Variants in MCF2L2 observed in about 807,000 individuals in gnomAD.
The protein encoded by MCF2L2 is MCF.2 cell line derived transforming sequence-like 2.
A neutral mutation model predicts 150.2 loss-of-function variants in MCF2L2; 102 were observed. The ratio of observed to expected loss-of-function variants is 0.68; its 90% CI spans 0.58 to 0.80. MCF2L2 has a LOEUF of 0.80. Among genes scored for constraint, MCF2L2 ranks in the 30% least tolerant of loss-of-function variants. The pLI is 0.00. For synonymous variants in MCF2L2, 465 were observed against 491.3 expected (o/e 0.95, Z 0.71); for missense variants, 1,256 against 1,372.8 (o/e 0.91, Z 1.34).
Position 183,205,973 on chromosome 3 carries a change from A to G in MCF2L2, c.2806-19T>C. ...AAGCTGCCTGCAATCACACATAAGAAAACACTATAAGACTACCATGAGTAT... is the reference window on the plus strand; with the variant it reads ...AAGCTGCCTGCAATCACACATAAGAGAACACTATAAGACTACCATGAGTAT... On this transcript the variant is annotated intron_variant, in intron 24 of 29. Transcript: ENST00000328913. 1 of 1,607,258 alleles carries G rather than the reference A, an allele frequency of 6.2e-7. No homozygotes were observed. Among genetic ancestry groups the G allele is most frequent in the Non-Finnish European group, 8.5e-7 (1 of 1,173,822 alleles).
At chr3:183,314,167 G>T (rs763130655) in intron 7 of MCF2L2, among the ~76,000 whole-genome samples, 42 of 152,262 alleles carry the variant, frequency 2.8e-4, no homozygotes, top group Admixed American at 5.9e-4. Flanking sequence ...GAAGCCCAAG[G>T]TGCCCGCAAT....
In MCF2L2 at chr3:183,351,190, G is replaced by GTATATATA. The variant is rs60311053; in HGVS notation, c.276-9568_276-9561dup. Reference sequence around the variant, plus strand: ...GTGTGTGTGATATTTATTTTCTTAAGTATATATATATATATATATATATAT... The same window carrying GTATATATA: ...GTGTGTGTGATATTTATTTTCTTAAGTATATATATATATATATATATATATATATATAT... On this transcript the variant is annotated intron_variant, in intron 3 of 29. Transcript: ENST00000328913. 3.6e-3 allele frequency among the ~76,000 whole-genome samples: 141 copies of GTATATATA among 38,772 alleles called. 1 individual carries two copies. The highest frequency in any genetic ancestry group is 7.1e-3 in the South Asian group (7 of 992). The allele number at this position is 38,772 out of a possible 152,430, so 25.4% of individuals were successfully genotyped here. A position where few individuals can be genotyped will look rare whatever the true frequency, so the allele number is the denominator to read the frequency against.
rs371771988 is a variant in MCF2L2 at position 183,312,615 on chromosome 3, G to A, written c.754-843C>T. ...GCCCATACTTCTAAAACAAATCAAG[G>A]GATCACCTCTGCACGCAAACACTGA... On this transcript the variant is annotated intron_variant, in intron 7 of 29. Coordinates refer to ENST00000328913, the MANE Select transcript of MCF2L2 (RefSeq NM_015078.4). Among the ~76,000 whole-genome samples, 45 of 152,280 alleles carry A rather than the reference G, an allele frequency of 3.0e-4. 1 individual carries two copies. The Middle Eastern group carries it at 0.01, about 35-fold the overall frequency.
intron 25 of MCF2L2, among the ~76,000 whole-genome samples, chr3:183,203,635 C>T (rs1722375230): frequency 6.6e-6 from 1 of 152,172 alleles, no homozygotes. Flanking sequence ...ATGGCAGTCT[C>T]AGAAGGAGAG....
intron 1 of MCF2L2, among the ~76,000 whole-genome samples, chr3:183,392,454 A>G (rs1207111021): frequency 6.6e-6 from 1 of 152,196 alleles, no homozygotes; most frequent in Non-Finnish European, 1.5e-5. Flanking sequence ...CCCCGACAAG[A>G]GACCTTTCTC....
At chr3:183,219,997 C>T in intron 20 of MCF2L2, 73 bp from the exon 21 acceptor site, 2 of 1,090,700 alleles carry the variant, frequency 1.8e-6, no homozygotes, top group Admixed American at 3.5e-5. Flanking sequence ...TCAACAAAAT[C>T]TACTGTGCAA....
chr3:183,314,889 T>C (rs13101072), intron 7 of MCF2L2, among the ~76,000 whole-genome samples: 2 of 14,978 alleles, frequency 1.3e-4, no homozygotes, highest in African/African-American at 2.2e-4. Context: ...GTTTAAACAG[T>C]ATCTCTTTTT....
chr3:183,267,353 T>C lies in MCF2L2; in HGVS notation c.1862+9519A>G, dbSNP rs576803487. Among the ~76,000 whole-genome samples the C allele has an allele frequency of 7.9e-5, 12 of 152,374 alleles. No homozygotes were observed. Among genetic ancestry groups the C allele is most frequent in the Middle Eastern group, 3.4e-3 (1 of 294 alleles). ...GCTTGGCTCTAATCTCTAGTCCTCA[T>C]TGGACATTTTACATACCTGGCCTTT... On this transcript the variant is annotated intron_variant, in intron 15 of 29. Coordinates refer to ENST00000328913, the MANE Select transcript of MCF2L2 (RefSeq NM_015078.4). This position sits in a 1 kb window ranked among gnomAD's most constrained non-coding sequence, Gnocchi z 5.5.
At chr3:183,383,535 G>A (rs1481231046) in intron 2 of MCF2L2, among the ~76,000 whole-genome samples, 3 of 151,958 alleles carry the variant, frequency 2.0e-5, no homozygotes, top group East Asian at 1.9e-4. Context: ...CACCATGCCC[G>A]GCCAAGAGGT....
chr3:183,219,763 G>A, intron 21 of MCF2L2, 93 bp downstream of exon 21: 7 of 816,728 alleles, frequency 8.6e-6, no homozygotes, highest in Non-Finnish European at 1.0e-5. Flanking sequence ...AGATAATAAA[G>A]ACCACCAAGT....
At chr3:183,354,969 G>T (rs902971636) in intron 3 of MCF2L2, among the ~76,000 whole-genome samples, 2 of 151,962 alleles carry the variant, frequency 1.3e-5, no homozygotes, top group Non-Finnish European at 2.9e-5. Flanking sequence ...AAGAATTAAA[G>T]CATGTTTCCA....
intron 3 of MCF2L2, among the ~76,000 whole-genome samples, chr3:183,344,840 T>C (rs1187824953): frequency 6.6e-6 from 1 of 152,130 alleles, no homozygotes; most frequent in African/African-American, 2.4e-5. Flanking sequence ...GGGAATTACA[T>C]AATGGTAAAG....
chr3:183,241,981 G>C (rs1026108342), intron 15 of MCF2L2, among the ~76,000 whole-genome samples: 4 of 152,204 alleles, frequency 2.6e-5, no homozygotes, highest in Non-Finnish European at 4.4e-5. Context: ...TTTTAGCAAA[G>C]AGCCTGGCAG....
chr3:183,242,092 T>A (rs1051048613), intron 15 of MCF2L2, among the ~76,000 whole-genome samples: 2 of 152,216 alleles, frequency 1.3e-5, no homozygotes, highest in African/African-American at 4.8e-5. Flanking sequence ...GCATTCAAGA[T>A]GTCACTTGAG....
chr3:183,364,499 A>G (rs189303610), intron 3 of MCF2L2, among the ~76,000 whole-genome samples: 38 of 152,208 alleles, frequency 2.5e-4, no homozygotes, highest in African/African-American at 3.6e-4. Context: ...CAGCCTGGGC[A>G]ACAGAGCGAG....
chr3:183,317,149 C>A, intron 7 of MCF2L2, among the ~76,000 whole-genome samples: 1 of 152,118 alleles, frequency 6.6e-6, no homozygotes, highest in East Asian at 1.9e-4. Flanking sequence ...TTTTGGTTTT[C>A]CTGGCAAGTA....
chr3:183,417,558 T>C (rs1364351639), intron 1 of MCF2L2, among the ~76,000 whole-genome samples: 1 of 152,224 alleles, frequency 6.6e-6, no homozygotes, highest in Non-Finnish European at 1.5e-5. Flanking sequence ...TGGATTTGAA[T>C]TACCACCTGG....
chr3:183,231,133 C>G (rs747591048), intron 15 of MCF2L2, 116 bp from the exon 16 acceptor site: 28 of 792,362 alleles, frequency 3.5e-5, no homozygotes, highest in African/African-American at 6.8e-5. Flanking sequence ...TAGTGGCTCA[C>G]CTACTTAGTT....
chr3:183,398,828 T>C (rs1339751418), intron 1 of MCF2L2, among the ~76,000 whole-genome samples: 2 of 152,182 alleles, frequency 1.3e-5, no homozygotes, highest in Non-Finnish European at 2.9e-5. Context: ...ATACTCAACT[T>C]TCACTGTTGT....
Sources: gnomAD v4.1 joint callset for allele counts (sites outside exome capture counted in the v4.1 genomes callset) on GRCh38, gnomAD v4.1.1 for gene constraint, Gnocchi (gnomAD v3.1) non-coding constraint, MANE v1.5 for transcripts, NCBI Gene and HGNC (gene_info 2026-07-23, HGNC 2026-07-21) for gene names.